Variants in ZMAT4 observed in about 807,000 individuals in gnomAD.
ZMAT4 encodes zinc finger matrin-type 4.
A neutral mutation model predicts 28.7 loss-of-function variants in ZMAT4; 17 were observed. The ratio of observed to expected loss-of-function variants is 0.59; its 90% CI spans 0.41 to 0.89. ZMAT4 has a LOEUF of 0.89. Among genes scored for constraint, ZMAT4 ranks in the 40% least tolerant of loss-of-function variants. ZMAT4 has a pLI of 0.00. For synonymous variants in ZMAT4, 117 were observed against 109.2 expected (o/e 1.07, Z -0.44); for missense variants, 240 against 283.8 (o/e 0.85, Z 1.11).
intron 6 of ZMAT4, among the ~76,000 whole-genome samples, chr8:40,579,279 T>C (rs1468041935): frequency 6.6e-6 from 1 of 152,188 alleles, no homozygotes; most frequent in African/African-American, 2.4e-5. Context: ...GATGAATACA[T>C]GCTCCCAAAA....
rs186475696 is a variant in ZMAT4 at position 40,611,097 on chromosome 8, T to C, written c.578-29836A>G. On this transcript the variant is annotated intron_variant, in intron 5 of 6. Transcript: ENST00000297737. ...ATGCAAAAGTTGTGGAAATTTCGCC[T>C]ATTGAGAGTCACTTGAAAGTAGTTT... Among the ~76,000 whole-genome samples the C allele has an allele frequency of 1.8e-3, 277 of 152,342 alleles. 3 individuals carry two copies. Among genetic ancestry groups the C allele is most frequent in the African/African-American group, 6.3e-3 (260 of 41,586 alleles).
chr8:40,733,202 C>G (rs566325386), intron 3 of ZMAT4, among the ~76,000 whole-genome samples: 3 of 152,036 alleles, frequency 2.0e-5, no homozygotes, highest in Admixed American at 2.0e-4. Context: ...TTTTTAAGAG[C>G]CCTGAATTCA....
chr8:40,701,978 C>G (rs1056422928), intron 3 of ZMAT4, among the ~76,000 whole-genome samples: 6 of 152,234 alleles, frequency 3.9e-5, no homozygotes, highest in Non-Finnish European at 5.9e-5. Context: ...GAAGGCTGAG[C>G]CCCCATGAAT....
intron 5 of ZMAT4, among the ~76,000 whole-genome samples, chr8:40,600,354 T>C (rs999142923): frequency 1.3e-5 from 2 of 152,220 alleles, no homozygotes; most frequent in African/African-American, 4.8e-5. Flanking sequence ...TATTCTGACC[T>C]CCATTCTGGC....
At chr8:40,764,367 G>A (rs1196498103) in intron 3 of ZMAT4, among the ~76,000 whole-genome samples, 2 of 152,122 alleles carry the variant, frequency 1.3e-5, no homozygotes, top group Non-Finnish European at 2.9e-5. Context: ...AATGAATTTG[G>A]GTGTTTAAAA....
At chr8:40,841,719 G>T (rs1347556439) in intron 1 of ZMAT4, among the ~76,000 whole-genome samples, 1 of 152,182 alleles carries the variant, frequency 6.6e-6, no homozygotes, top group South Asian at 2.1e-4. Context: ...ACTTTAGCCC[G>T]ATAATAATAA....
chr8:40,883,146 C>T (rs1442576764), intron 1 of ZMAT4, among the ~76,000 whole-genome samples: 1 of 152,164 alleles, frequency 6.6e-6, no homozygotes, highest in East Asian at 1.9e-4. Context: ...TGCTGAGGCT[C>T]CCTGAGCAAA....
chr8:40,604,961 G>T (rs538957772), intron 5 of ZMAT4, among the ~76,000 whole-genome samples: 2 of 151,682 alleles, frequency 1.3e-5, no homozygotes, highest in Non-Finnish European at 3.0e-5. Context: ...GGGCACATTT[G>T]TATGCATAAA....
intron 6 of ZMAT4, among the ~76,000 whole-genome samples, chr8:40,551,310 A>G (rs1042067656): frequency 2.6e-5 from 4 of 152,224 alleles, no homozygotes; most frequent in African/African-American, 9.6e-5. Flanking sequence ...ATAAGGGCAA[A>G]AGAGAAAATA....
At chr8:40,735,784 G>T (rs996491933) in intron 3 of ZMAT4, among the ~76,000 whole-genome samples, 1 of 152,194 alleles carries the variant, frequency 6.6e-6, no homozygotes. Context: ...ACATATGGAC[G>T]TTTAACCGCA....
chr8:40,703,640 G>T (rs1267273046), intron 3 of ZMAT4, among the ~76,000 whole-genome samples: 1 of 152,118 alleles, frequency 6.6e-6, no homozygotes, highest in Non-Finnish European at 1.5e-5. Flanking sequence ...AATGGGTAAA[G>T]AGTTTCCAAG....
At chr8:40,534,567 C>T (rs983650809) in intron 6 of ZMAT4, among the ~76,000 whole-genome samples, 7 of 152,058 alleles carry the variant, frequency 4.6e-5, no homozygotes, top group East Asian at 3.9e-4. Context: ...ATTTCAATTG[C>T]GCCATATACA....
At chr8:40,821,334 G>A (rs1025109769) in intron 2 of ZMAT4, among the ~76,000 whole-genome samples, 1 of 152,008 alleles carries the variant, frequency 6.6e-6, no homozygotes, top group Non-Finnish European at 1.5e-5. Flanking sequence ...TCTTCCTTCT[G>A]TGTCTGTGTC....
intron 6 of ZMAT4, among the ~76,000 whole-genome samples, chr8:40,576,757 G>A: frequency 6.6e-6 from 1 of 152,098 alleles, no homozygotes; most frequent in South Asian, 2.1e-4. Flanking sequence ...AAAGAGAAAG[G>A]TAAAGGAATC....
At chr8:40,730,116 G>A (rs139303731) in intron 3 of ZMAT4, among the ~76,000 whole-genome samples, 36 of 152,224 alleles carry the variant, frequency 2.4e-4, no homozygotes, top group African/African-American at 8.2e-4. Context: ...AAATGTAAAT[G>A]AAACATTTAT....
Position 40,602,800 on chromosome 8 carries a change from C to G in ZMAT4, c.578-21539G>C, listed in dbSNP as rs145926660. Among the ~76,000 whole-genome samples the G allele has an allele frequency of 3.0e-3, 456 of 152,270 alleles. 7 individuals are homozygous for G. Among genetic ancestry groups the G allele is most frequent in the East Asian group, 0.027 (142 of 5,170 alleles). On this transcript the variant is annotated intron_variant, in intron 5 of 6. Coordinates refer to ENST00000297737, the MANE Select transcript of ZMAT4 (RefSeq NM_024645.3). ...GATTTGTTTGAGTTCCTTGTAGATT[C>G]TGGACATTAGTCCTTCGTCAGATGC...
At chr8:40,667,842 A>C (rs568352484) in intron 5 of ZMAT4, among the ~76,000 whole-genome samples, 4 of 147,572 alleles carry the variant, frequency 2.7e-5, no homozygotes, top group Non-Finnish European at 3.0e-5. Flanking sequence ...TTTAAAAAAA[A>C]AAAAAACAAC....
At chr8:40,671,489 AG>A (rs1175051508) in intron 5 of ZMAT4, among the ~76,000 whole-genome samples, 2 of 152,232 alleles carry the variant, frequency 1.3e-5, no homozygotes, top group South Asian at 2.1e-4. Flanking sequence ...GTAATAAAAA[AG>A]GTACTACTTT....
At chr8:40,859,102 C>A (rs539773609) in intron 1 of ZMAT4, among the ~76,000 whole-genome samples, 4 of 152,294 alleles carry the variant, frequency 2.6e-5, no homozygotes, top group African/African-American at 9.6e-5. Context: ...CTGGCGCCTG[C>A]CTTTCCGGTC....
Sources: gnomAD v4.1 joint callset for allele counts (sites outside exome capture counted in the v4.1 genomes callset) on GRCh38, gnomAD v4.1.1 for gene constraint, MANE v1.5 for transcripts, NCBI Gene and HGNC (gene_info 2026-07-23, HGNC 2026-07-21) for gene names.